Variants in EGFR observed in about 807,000 individuals in gnomAD.
EGFR encodes the protein epidermal growth factor receptor.
In EGFR, 58 loss-of-function variants were observed where a neutral mutation model predicts 143.0. The observed-to-expected ratio is 0.41, with a 90% CI of 0.33 to 0.50. EGFR has a LOEUF of 0.50. Ranked by LOEUF, EGFR falls within the 20% of genes least tolerant of loss-of-function variation. The pLI is 0.39. For synonymous variants in EGFR, 613 were observed against 594.4 expected (o/e 1.03, Z -0.45); for missense variants, 1,307 against 1,579.0 (o/e 0.83, Z 2.92).
At chr7:55,160,963 T>C (rs112096713) in intron 12 of EGFR, among the ~76,000 whole-genome samples, 1 of 152,366 alleles carries the variant, frequency 6.6e-6, no homozygotes, top group Non-Finnish European at 1.5e-5. Flanking sequence ...AACCCTTCCA[T>C]GGTGCCTAGC....
intron 13 of EGFR, among the ~76,000 whole-genome samples, 177 bp from the exon 14 acceptor site, chr7:55,163,556 G>C (rs944277368): frequency 6.6e-6 from 1 of 152,198 alleles, no homozygotes; most frequent in Admixed American, 6.5e-5. Context: ...TGTTTACTCA[G>C]AGAGAAGATG....
At chr7:55,203,868 ATATCTATATATC>A (rs1009371088) in intron 27 of EGFR, among the ~76,000 whole-genome samples, 6 of 151,618 alleles carry the variant, frequency 4.0e-5, no homozygotes, top group African/African-American at 1.5e-4. Flanking sequence ...GTAATATCTA[ATATCTATATATC>A]TAATATGTAG....
chr7:55,149,372 C>T (rs1225059344), intron 4 of EGFR, among the ~76,000 whole-genome samples: 1 of 152,100 alleles, frequency 6.6e-6, no homozygotes, highest in African/African-American at 2.4e-5. Flanking sequence ...CTGTCACACA[C>T]ACACACGCAC....
At chr7:55,192,342 G>A (rs1787433601) in intron 21 of EGFR, among the ~76,000 whole-genome samples, 1 of 152,068 alleles carries the variant, frequency 6.6e-6, no homozygotes, top group African/African-American at 2.4e-5. Context: ...TTTCTCTTAG[G>A]GACCCTCACA....
At chr7:55,055,723 C>CACACCA (rs1554318493) in intron 1 of EGFR, among the ~76,000 whole-genome samples, 4 of 148,230 alleles carry the variant, frequency 2.7e-5, no homozygotes, top group South Asian at 2.1e-4. Flanking sequence ...CACACACACA[C>CACACCA]CACACACACA....
intron 1 of EGFR, among the ~76,000 whole-genome samples, chr7:55,033,577 A>G (rs563804074): frequency 6.6e-6 from 1 of 152,308 alleles, no homozygotes; most frequent in Non-Finnish European, 1.5e-5. Context: ...AGCGTGCCCC[A>G]TGTGTGCACG....
intron 1 of EGFR, among the ~76,000 whole-genome samples, chr7:55,088,420 A>C (rs1179055657): frequency 1.3e-5 from 2 of 152,216 alleles, no homozygotes; most frequent in Non-Finnish European, 2.9e-5. Context: ...CCCAGTCTGC[A>C]GTTTACCCTT....
chr7:55,192,163 C>T (rs1787424982), intron 21 of EGFR, among the ~76,000 whole-genome samples: 1 of 152,120 alleles, frequency 6.6e-6, no homozygotes, highest in South Asian at 2.1e-4. Context: ...ATATAAGTCC[C>T]CTTCAATAGC....
intron 22 of EGFR, among the ~76,000 whole-genome samples, chr7:55,197,625 A>G (rs1410789804): frequency 6.6e-6 from 1 of 152,162 alleles, no homozygotes; most frequent in East Asian, 1.9e-4. Flanking sequence ...TGCCCATTCA[A>G]TATGATGTTG....
rs186092018 is a variant in EGFR, at chr7:55,184,408, C to T, written c.2469+2930C>T. Among the ~76,000 whole-genome samples, 647 of 152,328 alleles carry T rather than the reference C, an allele frequency of 4.2e-3. 1 individual carries two copies. Among genetic ancestry groups the T allele is most frequent in the Non-Finnish European group, 7.7e-3 (523 of 68,026 alleles). On this transcript the variant is annotated intron_variant, in intron 20 of 27. Coordinates refer to ENST00000275493, the MANE Select transcript of EGFR (RefSeq NM_005228.5). ...CTGCTGCTCATGACCTGCTCTCCAG[C>T]GCTCCTTCTCATGCTCACATTCCAG...
intron 1 of EGFR, among the ~76,000 whole-genome samples, chr7:55,068,070 A>G (rs1459405582): frequency 8.9e-6 from 1 of 111,778 alleles, no homozygotes; most frequent in East Asian, 1.6e-3. Flanking sequence ...ACGCGTGTGC[A>G]TACGTGTGTG....
At chr7:55,075,929 C>A (rs781327776) in intron 1 of EGFR, among the ~76,000 whole-genome samples, 35 of 152,324 alleles carry the variant, frequency 2.3e-4, no homozygotes, top group Non-Finnish European at 4.1e-4. Flanking sequence ...CACAACAGTT[C>A]TTTACAAAGA....
intron 1 of EGFR, among the ~76,000 whole-genome samples, chr7:55,060,289 C>T: frequency 6.6e-6 from 1 of 152,122 alleles, no homozygotes; most frequent in East Asian, 1.9e-4. Context: ...TGTGTGGTTT[C>T]CTGACATTTT....
chr7:55,064,620 C>T (rs993511770), intron 1 of EGFR, among the ~76,000 whole-genome samples: 7 of 152,294 alleles, frequency 4.6e-5, no homozygotes, highest in African/African-American at 1.2e-4. Flanking sequence ...AATTTAGATA[C>T]GGTTTAAACC....
chr7:55,185,257 A>G (rs772134686), intron 20 of EGFR, among the ~76,000 whole-genome samples: 27 of 152,222 alleles, frequency 1.8e-4, no homozygotes, highest in Admixed American at 3.3e-4. Flanking sequence ...TTTGTTCTCC[A>G]TATGCAAAAC....
chr7:55,169,719 G>A (rs978346028), intron 15 of EGFR, among the ~76,000 whole-genome samples: 1 of 152,056 alleles, frequency 6.6e-6, no homozygotes, highest in Non-Finnish European at 1.5e-5. Flanking sequence ...GCCTTCTGAC[G>A]CTCTCACATC....
At chr7:55,093,464 A>G (rs1375997319) in intron 1 of EGFR, among the ~76,000 whole-genome samples, 2 of 152,100 alleles carry the variant, frequency 1.3e-5, no homozygotes, top group Non-Finnish European at 2.9e-5. Context: ...TGACTGTGTG[A>G]GCGAATTCAT....
At chr7:55,040,472 G>T (rs905797947) in intron 1 of EGFR, among the ~76,000 whole-genome samples, 2 of 152,028 alleles carry the variant, frequency 1.3e-5, no homozygotes, top group African/African-American at 4.8e-5. Flanking sequence ...AATATAAAAT[G>T]GACAGATTAA....
At chr7:55,166,519 C>A (rs956548089) in intron 15 of EGFR, among the ~76,000 whole-genome samples, 1 of 152,076 alleles carries the variant, frequency 6.6e-6, no homozygotes, top group Admixed American at 6.6e-5. Flanking sequence ...TAAAATGGTG[C>A]CTGGAAAATG....
Sources: allele counts gnomAD v4.1 joint callset (sites outside exome capture counted in the v4.1 genomes callset), GRCh38; gene constraint gnomAD v4.1.1; transcripts MANE v1.5; gene names NCBI Gene and HGNC (gene_info 2026-07-23, HGNC 2026-07-21).